The following SSH2 variants were observed in gnomAD, a reference collection of about 807,000 sequenced individuals.
SSH2 encodes slingshot protein phosphatase 2.
A neutral mutation model predicts 135.2 loss-of-function variants in SSH2; 37 were observed. The observed-to-expected ratio is 0.27, with a 90% confidence interval of 0.21 to 0.36. SSH2 has a LOEUF of 0.36. Ranked by LOEUF, SSH2 falls within the 10% of genes least tolerant of loss-of-function variation. The pLI is 1.00. For missense variants in SSH2, 1,408 were observed against 1,765.3 expected (o/e 0.80, Z 3.63); for synonymous variants, 628 against 646.2 (o/e 0.97, Z 0.43).
rs80318747 is a variant in SSH2 at position 29,675,097 on chromosome 17, G to T, written c.614+1723C>A. Among the ~76,000 whole-genome samples, 1,505 of 152,264 alleles carry T rather than the reference G, an allele frequency of 9.9e-3. 23 individuals carry two copies. Among genetic ancestry groups the T allele is most frequent in the African/African-American group, 0.034 (1,429 of 41,538 alleles). On this transcript the variant is annotated intron_variant, in intron 8 of 15. Coordinates refer to ENST00000540801, the MANE Select transcript of SSH2 (RefSeq NM_001282129.2). The stretch of plus-strand genomic sequence containing the variant: ...GTCAATTGTCTTTAACTGAGCCTTA[G>T]TCAAAGGGGGTCATAAATTTCCTGT...
chr17:29,645,697 C>T (rs1479446129), intron 14 of SSH2: 3 of 152,150 alleles, frequency 2.0e-5, no homozygotes, highest in Non-Finnish European at 2.9e-5. Context: ...CTACATCCTA[C>T]CTTCTGATCT....
intron 2 of SSH2, among the ~76,000 whole-genome samples, chr17:29,830,311 T>A (rs2042823290): frequency 6.6e-6 from 1 of 152,170 alleles, no homozygotes; most frequent in Admixed American, 6.6e-5. Flanking sequence ...TTAATTCGTG[T>A]CTTCCCCACC....
intron 2 of SSH2, among the ~76,000 whole-genome samples, chr17:29,833,807 C>G (rs1399430838): frequency 3.7e-5 from 2 of 53,740 alleles, no homozygotes; most frequent in African/African-American, 1.6e-4. Context: ...CCCTCCCTCC[C>G]TCTCTCCCTC....
chr17:29,790,055 T>A (rs1230772737), intron 3 of SSH2, among the ~76,000 whole-genome samples: 1 of 152,182 alleles, frequency 6.6e-6, no homozygotes, highest in Non-Finnish European at 1.5e-5. Context: ...GCTTCAGAAC[T>A]GATGCTGGAA....
rs1017210310 is a variant in SSH2 at position 29,691,498 on chromosome 17, T to C, written c.357+3961A>G. ...TTGGCTTTGTCCTATTTTCTCTCTT[T>C]TTTTTTTTTTGAGACAGAGTCTCGC... On this transcript the variant is annotated intron_variant, in intron 5 of 15. Transcript: ENST00000540801. Among the ~76,000 whole-genome samples the C allele has an allele frequency of 7.4e-5, 11 of 148,782 alleles. No homozygotes were observed. In the East Asian group the frequency reaches 1.2e-3, roughly 16 times the overall value.
intron 2 of SSH2, among the ~76,000 whole-genome samples, chr17:29,803,866 T>G (rs1208072665): frequency 6.6e-6 from 1 of 152,122 alleles, no homozygotes; most frequent in Non-Finnish European, 1.5e-5. Flanking sequence ...TATAAAGAAG[T>G]GTTCTCTTTA....
chr17:29,636,188 C>T lies in SSH2; in HGVS notation c.2042G>A (p.Ser681Asn). The stretch of plus-strand genomic sequence containing the variant: ...GAGCTCCACAAACTTCTCTAGGGCA[C>T]TAAAAAAGTCAATGCGATCTGTACT... ...DFSTDRIDFF[S>N]ALEKFVELSQ... The change falls in exon 15 of 16, where the codon AGT becomes AAT. Residue 681 changes from serine (S) to asparagine (N), a missense_variant. Around this residue, in one of 3 missense-constraint regions of SSH2, gnomAD observed 1,080 missense variants for 1,144.5 expected, o/e 0.94. Coordinates refer to ENST00000540801, the MANE Select transcript of SSH2 (RefSeq NM_001282129.2). The T allele has an allele frequency of 6.2e-7, 1 of 1,614,062 alleles. No homozygotes were observed. Among genetic ancestry groups the T allele is most frequent in the Non-Finnish European group, 8.5e-7 (1 of 1,180,026 alleles).
At chr17:29,642,417 C>T (rs147082707) in intron 14 of SSH2, among the ~76,000 whole-genome samples, 79 of 152,212 alleles carry the variant, frequency 5.2e-4, no homozygotes, top group African/African-American at 1.6e-3. Flanking sequence ...CACAGACACA[C>T]GGTCCAACTT....
intron 5 of SSH2, among the ~76,000 whole-genome samples, chr17:29,690,735 A>T (rs2038433045): frequency 6.6e-6 from 1 of 152,272 alleles, no homozygotes; most frequent in South Asian, 2.1e-4. Context: ...TTTTTTTTTA[A>T]ATCAGTCTGT....
chr17:29,647,035 G>T (rs916598184), intron 14 of SSH2, among the ~76,000 whole-genome samples: 3 of 151,520 alleles, frequency 2.0e-5, no homozygotes, highest in Non-Finnish European at 4.4e-5. Flanking sequence ...AGCACTTTGG[G>T]AGGCCGAGGC....
intron 1 of SSH2, among the ~76,000 whole-genome samples, chr17:29,867,411 A>G (rs2065871774): frequency 6.6e-6 from 1 of 152,174 alleles, no homozygotes; most frequent in African/African-American, 2.4e-5. Flanking sequence ...CCACAAAAAC[A>G]CTTAACAAAA....
intron 3 of SSH2, among the ~76,000 whole-genome samples, chr17:29,738,759 T>C (rs2040459009): frequency 6.6e-6 from 1 of 151,952 alleles, no homozygotes; most frequent in African/African-American, 2.4e-5. Flanking sequence ...TTTCACTGTG[T>C]TAGCCAGGAT....
At chr17:29,817,958 C>T (rs959227019) in intron 2 of SSH2, among the ~76,000 whole-genome samples, 1 of 151,734 alleles carries the variant, frequency 6.6e-6, no homozygotes, top group African/African-American at 2.4e-5. Context: ...TTTGTAGAGA[C>T]AGGATCTTGC....
chr17:29,842,835 A>G (rs1414920038), intron 2 of SSH2, among the ~76,000 whole-genome samples: 1 of 152,158 alleles, frequency 6.6e-6, no homozygotes, highest in Non-Finnish European at 1.5e-5. Flanking sequence ...GGCCCTAACA[A>G]TCTCTCTACA....
intron 2 of SSH2, among the ~76,000 whole-genome samples, chr17:29,822,928 T>A (rs2042678658): frequency 6.6e-6 from 1 of 152,220 alleles, no homozygotes; most frequent in Non-Finnish European, 1.5e-5. Context: ...TTTACAAAAC[T>A]CAAAGAGTTT....
chr17:29,747,555 C>A (rs1278727295), intron 3 of SSH2, among the ~76,000 whole-genome samples: 1 of 152,256 alleles, frequency 6.6e-6, no homozygotes, highest in East Asian at 1.9e-4. Flanking sequence ...TACAGGAACA[C>A]CTAAAAAGGC....
intron 3 of SSH2, among the ~76,000 whole-genome samples, chr17:29,772,150 C>T (rs1447445504): frequency 6.6e-6 from 1 of 151,714 alleles, no homozygotes; most frequent in Admixed American, 6.6e-5. Context: ...CTCACAGCAA[C>T]CTAAAAGGAT....
intron 1 of SSH2, among the ~76,000 whole-genome samples, chr17:29,862,774 A>C (rs924079636): frequency 2.0e-5 from 3 of 152,242 alleles, no homozygotes; most frequent in Admixed American, 6.5e-5. Flanking sequence ...CACGTAACAC[A>C]CAACTGTGTT....
intron 1 of SSH2, among the ~76,000 whole-genome samples, chr17:29,861,277 T>C (rs2151406753): frequency 1.3e-5 from 2 of 152,308 alleles, no homozygotes; most frequent in East Asian, 3.9e-4. Context: ...GCTTTTGGCA[T>C]CTGTGTCATA....
Sources: gnomAD v4.1 joint callset for allele counts (sites outside exome capture counted in the v4.1 genomes callset) on GRCh38, gnomAD v4.1.1 for gene constraint, gnomAD v4.1.1 regional missense constraint, MANE v1.5 for transcripts, NCBI Gene and HGNC (gene_info 2026-07-23, HGNC 2026-07-21) for gene names.